ITGA11: variants seen among roughly 807,000 people sequenced by gnomAD.
The protein encoded by ITGA11 is integrin subunit alpha 11.
A neutral mutation model predicts 141.9 loss-of-function variants in ITGA11; 97 were observed. The observed-to-expected ratio is 0.68, with a 90% confidence interval of 0.58 to 0.81. The LOEUF is 0.81. Ranked by LOEUF, ITGA11 falls within the 30% of genes least tolerant of loss-of-function variation. The pLI, the probability that ITGA11 is intolerant of heterozygous loss-of-function variation, is 0.00. For missense variants in ITGA11, 1,387 were observed against 1,559.2 expected, an observed-to-expected ratio of 0.89 and a Z score of 1.86; for synonymous variants, 658 against 624.6, an observed-to-expected ratio of 1.05 and a Z score of -0.80.
intron 1 of ITGA11, among the ~76,000 whole-genome samples, chr15:68,420,500 C>T (rs1455228415): frequency 2.0e-5 from 3 of 152,200 alleles, no homozygotes; most frequent in African/African-American, 7.2e-5. Flanking sequence ...TCAATGGCCA[C>T]CAACCTCTTC....
intron 10 of ITGA11, among the ~76,000 whole-genome samples, chr15:68,346,714 G>GA (rs1894755057): frequency 6.6e-6 from 1 of 152,186 alleles, no homozygotes. Context: ...TGCCACCCAG[G>GA]ACTGCTGAAA....
rs183208542 is a variant in ITGA11 at position 68,405,280 on chromosome 15, G to A, written c.53-2251C>T. Among the ~76,000 whole-genome samples the A allele has an allele frequency of 1.6e-4, 24 of 148,888 alleles. No individual in the cohort carries two copies. In the East Asian group the frequency reaches 3.7e-3, roughly 23 times the overall value. ...ACCTTCAAGTAGGGATATTAGATAC[G>A]TGTTATCTTATTGAACATGCCAATG... is the stretch of plus-strand genomic sequence containing the variant. On this transcript the variant is annotated intron_variant, in intron 1 of 29. Coordinates refer to ENST00000315757, the MANE Select transcript of ITGA11 (RefSeq NM_001004439.2).
At chr15:68,426,171 G>C (rs1897137682) in intron 1 of ITGA11, among the ~76,000 whole-genome samples, 1 of 152,194 alleles carries the variant, frequency 6.6e-6, no homozygotes, top group Admixed American at 6.5e-5. Flanking sequence ...CCCACCATTA[G>C]CCCTTTATTC....
chr15:68,344,137 C>T (rs1234110387), intron 10 of ITGA11, among the ~76,000 whole-genome samples: 2 of 152,108 alleles, frequency 1.3e-5, no homozygotes, highest in Non-Finnish European at 1.5e-5. Flanking sequence ...AGAAATGATT[C>T]CTGCCACCAG....
chr15:68,415,280 G>A (rs73433972), intron 1 of ITGA11, among the ~76,000 whole-genome samples: 1,992 of 152,266 alleles, frequency 0.013, 44 homozygotes, highest in African/African-American at 0.045. Flanking sequence ...AGGTCAGAAC[G>A]CAGCTCACTG....
At chr15:68,359,456 G>C (rs900423894) in intron 5 of ITGA11, among the ~76,000 whole-genome samples, 17 of 152,188 alleles carry the variant, frequency 1.1e-4, no homozygotes, top group Admixed American at 1.1e-3. Flanking sequence ...GACCAGCCTT[G>C]CCAACATGGC....
At chr15:68,378,111 A>T (rs193009600) in intron 2 of ITGA11, among the ~76,000 whole-genome samples, 1 of 152,192 alleles carries the variant, frequency 6.6e-6, no homozygotes, top group Non-Finnish European at 1.5e-5. Flanking sequence ...ATGTCCCCCA[A>T]TTATTGAGAG....
At chr15:68,410,638 T>C (rs1378690241) in intron 1 of ITGA11, among the ~76,000 whole-genome samples, 1 of 152,092 alleles carries the variant, frequency 6.6e-6, no homozygotes, top group Admixed American at 6.5e-5. Flanking sequence ...GCAGGGAACA[T>C]GTGAGGGTTC....
rs1263983199 is a variant in ITGA11, at chr15:68,325,207, GAGA to G, written c.2243_2245del (p.Phe748del). 6.2e-7 allele frequency: 1 copy of G among 1,613,980 alleles called. No individual in the cohort carries two copies. Among genetic ancestry groups the G allele is most frequent in the East Asian group, 2.2e-5 (1 of 44,882 alleles). On this transcript the variant is annotated inframe_deletion, in exon 18 of 30. Transcript: ENST00000315757. The surrounding 1 kb of genome is among the most constrained non-coding windows in gnomAD (Gnocchi z 5.5). ...AGGGTCCTCCAGGGAATACTCGACT[GAGA>G]AGGTCACTGGCTTCACGTAGTCAGC...
chr15:68,369,730 ATTC>A (rs1895529895), intron 2 of ITGA11, among the ~76,000 whole-genome samples: 1 of 152,252 alleles, frequency 6.6e-6, no homozygotes, highest in South Asian at 2.1e-4. Context: ...AAGGGCCCTC[ATTC>A]TTCATCTTAC....
rs373149230 is a variant in ITGA11, at chr15:68,371,666, C to T, written c.165-2382G>A. On this transcript the variant is annotated intron_variant, in intron 2 of 29. Coordinates refer to ENST00000315757, the MANE Select transcript of ITGA11 (RefSeq NM_001004439.2). Reference sequence around the variant, plus strand: ...CTGGGAGGAGGAGGTTGCAGTGAGCCGAGATCATGCCACTGTACTCCGGCC... The same window carrying T: ...CTGGGAGGAGGAGGTTGCAGTGAGCTGAGATCATGCCACTGTACTCCGGCC... Among the ~76,000 whole-genome samples the T allele has an allele frequency of 8.6e-5, 13 of 151,832 alleles. No individual in the cohort carries two copies. The South Asian group carries it at 2.3e-3, about 27-fold the overall frequency.
chr15:68,371,309 G>A (rs974759475), intron 2 of ITGA11, among the ~76,000 whole-genome samples: 7 of 152,196 alleles, frequency 4.6e-5, no homozygotes, highest in African/African-American at 1.4e-4. Flanking sequence ...AACCTGACAC[G>A]TGACCAAGTC....
intron 1 of ITGA11, among the ~76,000 whole-genome samples, chr15:68,406,500 G>C (rs188209619): frequency 6.6e-5 from 10 of 152,218 alleles, no homozygotes; most frequent in Admixed American, 6.5e-4. Context: ...TCCAGTCTTA[G>C]AATCTCTGTT....
chr15:68,307,516 G>T lies in ITGA11; in HGVS notation c.3285+70C>A, dbSNP rs1893238716. 3.3e-6 allele frequency: 5 copies of T among 1,514,480 alleles called. No individual in the cohort carries two copies. In the East Asian group the frequency reaches 1.2e-4, roughly 36 times the overall value. The allele number at this position is 1,514,480 out of a possible 1,614,324, so 93.8% of individuals were successfully genotyped here. A position where few individuals can be genotyped will look rare whatever the true frequency, so the allele number is the denominator to read the frequency against. On this transcript the variant is annotated intron_variant, in intron 27 of 29. Transcript: ENST00000315757. The surrounding 1 kb of genome is among the most constrained non-coding windows in gnomAD (Gnocchi z 6.1). ...CCCGTCCCCTCCCCAGGCAGCCCCA[G>T]GTGGAAGACATCCCAACAGCCGCCC...
chr15:68,313,412 A>G (rs1179922786), intron 23 of ITGA11, among the ~76,000 whole-genome samples: 1 of 152,204 alleles, frequency 6.6e-6, no homozygotes, highest in Admixed American at 6.5e-5. Context: ...ATATGATAAC[A>G]AAAAGCAGAT....
At position 68,326,734 on chromosome 15, in the gene ITGA11, C is replaced by T. The variant is rs1893985916; in HGVS notation, c.2131G>A (p.Gly711Ser). ...RYTPRAHLDEGGDRFTNRAVL... is the reference protein window; with the variant it reads ...RYTPRAHLDESGDRFTNRAVL... ...GCTCTGTTGGTGAATCGGTCCCCGC[C>T]CTCGTCCAGGTGGGCCCTCGGTGTA... is the stretch of plus-strand genomic sequence containing the variant. The change falls in exon 17 of 30, where the codon GGC (glycine) becomes AGC (serine). Residue 711 changes from glycine (G) to serine (S), a missense_variant. Physicochemically the swap from Gly to Ser is moderately conservative, Grantham distance 56. Transcript: ENST00000315757. The surrounding 1 kb of genome is among the most constrained non-coding windows in gnomAD (Gnocchi z 6.8). The T allele has an allele frequency of 6.3e-7, 1 of 1,582,904 alleles. No individual in the cohort carries two copies. Among genetic ancestry groups the T allele is most frequent in the African/African-American group, 1.3e-5 (1 of 74,224 alleles).
intron 2 of ITGA11, among the ~76,000 whole-genome samples, chr15:68,376,004 C>T (rs1895718002): frequency 6.6e-6 from 1 of 152,216 alleles, no homozygotes; most frequent in Non-Finnish European, 1.5e-5. Context: ...CCCAGACCAT[C>T]AACAGAGGCT....
chr15:68,315,824 G>A, intron 21 of ITGA11, 97 bp from the exon 22 acceptor site: 2 of 1,024,198 alleles, frequency 2.0e-6, no homozygotes, highest in South Asian at 3.3e-5. Flanking sequence ...CTTGGGGAGA[G>A]GGAGCTTGCT....
chr15:68,315,781 C>A (rs1023517383), intron 21 of ITGA11, 54 bp from the exon 22 acceptor site: 16 of 1,408,332 alleles, frequency 1.1e-5, no homozygotes, highest in Admixed American at 2.0e-5. Flanking sequence ...CCCGCCCACT[C>A]CCCACAGCCC....
Sources: allele counts gnomAD v4.1 joint callset (sites outside exome capture counted in the v4.1 genomes callset), GRCh38; gene constraint gnomAD v4.1.1; non-coding constraint Gnocchi (gnomAD v3.1); transcripts MANE v1.5; gene names NCBI Gene and HGNC (gene_info 2026-07-23, HGNC 2026-07-21).